The following SLC7A1 variants were observed in gnomAD, a reference collection of about 807,000 sequenced individuals.
The protein encoded by SLC7A1 is solute carrier family 7 member 1, also known as high affinity cationic amino acid transporter 1.
In SLC7A1, 10 loss-of-function variants were observed where a neutral mutation model predicts 53.9. That is an observed-to-expected ratio of 0.19 (90% confidence interval 0.11 to 0.31). The LOEUF is 0.31. SLC7A1 is among the 10% of genes least tolerant of loss of function. The pLI is 1.00. For missense variants in SLC7A1, 525 were observed against 827.2 expected, an observed-to-expected ratio of 0.63 and a Z score of 4.48; for synonymous variants, 342 against 338.7, an observed-to-expected ratio of 1.01 and a Z score of -0.11.
At chr13:29,557,349 T>G (rs1870482974) in intron 1 of SLC7A1, among the ~76,000 whole-genome samples, 1 of 152,136 alleles carries the variant, frequency 6.6e-6, no homozygotes. Context: ...AATGCACCTT[T>G]AGGCGATTTC....
At chr13:29,577,286 C>CT (rs148893515) in intron 1 of SLC7A1, among the ~76,000 whole-genome samples, 4,813 of 152,234 alleles carry the variant, frequency 0.032, 207 homozygotes, top group African/African-American at 0.088. Flanking sequence ...GCATCCAGCT[C>CT]TGACTCTGAA....
At chr13:29,541,482 A>T (rs910419683) in intron 2 of SLC7A1, among the ~76,000 whole-genome samples, 2 of 152,194 alleles carry the variant, frequency 1.3e-5, no homozygotes, top group Non-Finnish European at 2.9e-5. Flanking sequence ...GGTAGACCAC[A>T]GTCTTTCTCC....
chr13:29,550,016 T>C (rs1167452769), intron 2 of SLC7A1, among the ~76,000 whole-genome samples: 1 of 152,308 alleles, frequency 6.6e-6, no homozygotes, highest in Non-Finnish European at 1.5e-5. Flanking sequence ...CATTTTAACA[T>C]ATGCCCCAAA....
At chr13:29,533,160 GT>G (rs1230288491) in intron 3 of SLC7A1, among the ~76,000 whole-genome samples, 178 bp from the exon 4 acceptor site, 15 of 152,342 alleles carry the variant, frequency 9.8e-5, no homozygotes, top group African/African-American at 3.6e-4. Flanking sequence ...CTAGTGCTAA[GT>G]GCGAGAAGGC....
Position 29,536,014 on chromosome 13 carries a change from G to A in SLC7A1, c.175C>T (p.Arg59Cys). The A allele has an allele frequency of 1.2e-6, 2 of 1,613,926 alleles. No individual in the cohort carries two copies. The highest frequency in any genetic ancestry group is 1.7e-6 in the Non-Finnish European group (2 of 1,180,020). Residue 59 changes from arginine (R) to cysteine (C), a missense_variant, in exon 3 of 13, where the codon CGT becomes TGT. Physicochemically the swap from Arg to Cys is radical, Grantham distance 180. Around this residue, in one of 4 missense-constraint regions of SLC7A1, gnomAD observed 354 missense variants for 587.5 expected, o/e 0.60. Coordinates refer to ENST00000380752, the MANE Select transcript of SLC7A1 (RefSeq NM_003045.5). ...GVYVLAGAVA[R>C]ENAGPAIVIS... ...ACAATGGCAGGGCCTGCATTCTCACGGGCCACAGCTCCAGCCAGGACGTAG... is the reference window on the plus strand; with the variant it reads ...ACAATGGCAGGGCCTGCATTCTCACAGGCCACAGCTCCAGCCAGGACGTAG...
At chr13:29,521,060 G>A (rs745897880) in intron 8 of SLC7A1, among the ~76,000 whole-genome samples, 3 of 152,156 alleles carry the variant, frequency 2.0e-5, no homozygotes, top group Non-Finnish European at 2.9e-5. Context: ...CAAATTCCAC[G>A]TAAAGCCTGA....
At chr13:29,556,408 C>G (rs954299333) in intron 1 of SLC7A1, among the ~76,000 whole-genome samples, 2 of 152,116 alleles carry the variant, frequency 1.3e-5, no homozygotes, top group Non-Finnish European at 2.9e-5. Context: ...CAGGGTCTCA[C>G]TCTGTCACTC....
chr13:29,589,214 A>G (rs1872004457), intron 1 of SLC7A1, among the ~76,000 whole-genome samples: 1 of 152,250 alleles, frequency 6.6e-6, no homozygotes, highest in African/African-American at 2.4e-5. Context: ...GCAGGATGAC[A>G]GCGGCCACTG....
chr13:29,564,992 A>C (rs149260943), intron 1 of SLC7A1, among the ~76,000 whole-genome samples: 1 of 152,350 alleles, frequency 6.6e-6, no homozygotes, highest in Non-Finnish European at 1.5e-5. Context: ...AATAAACTAC[A>C]CAAAGAGATA....
In SLC7A1 at chr13:29,594,765, C is replaced by G. The variant is rs555290359; in HGVS notation, c.-115+651G>C. Among the ~76,000 whole-genome samples the G allele has an allele frequency of 2.2e-4, 34 of 152,282 alleles. 1 individual carries two copies. Among genetic ancestry groups the G allele is most frequent in the Admixed American group, 1.9e-3 (29 of 15,304 alleles). On this transcript the variant is annotated intron_variant, in intron 1 of 12. Coordinates refer to ENST00000380752, the MANE Select transcript of SLC7A1 (RefSeq NM_003045.5). ...CTCAAAGCAATCTTGGGGACCCAGA[C>G]GAGAGGTGCAGGCGGCGCGTCCCGG...
chr13:29,540,294 G>A (rs1306734445), intron 2 of SLC7A1, among the ~76,000 whole-genome samples: 1 of 152,180 alleles, frequency 6.6e-6, no homozygotes, highest in African/African-American at 2.4e-5. Context: ...GGGTTTGATG[G>A]AAATCTTGCA....
chr13:29,555,585 A>G (rs1593564071), intron 1 of SLC7A1, among the ~76,000 whole-genome samples: 1 of 151,640 alleles, frequency 6.6e-6, no homozygotes, highest in South Asian at 2.1e-4. Flanking sequence ...CCAGGGACAC[A>G]GCATCCTGGT....
chr13:29,595,021 T>C (rs1490999201), intron 1 of SLC7A1, among the ~76,000 whole-genome samples: 1 of 151,506 alleles, frequency 6.6e-6, no homozygotes, highest in African/African-American at 2.4e-5. Flanking sequence ...TCCGTGTGCC[T>C]CCCAGTCTGG....
intron 12 of SLC7A1, 119 bp from the exon 13 acceptor site, chr13:29,514,702 C>T: frequency 1.5e-6 from 1 of 687,590 alleles, no homozygotes; most frequent in South Asian, 1.8e-5. Context: ...CCCTGCCTGG[C>T]ATGAGCCCGC....
At chr13:29,534,482 G>A (rs1869316073) in intron 3 of SLC7A1, among the ~76,000 whole-genome samples, 1 of 152,202 alleles carries the variant, frequency 6.6e-6, no homozygotes, top group Admixed American at 6.5e-5. Context: ...AGAAAACATT[G>A]TGAATTTTAT....
chr13:29,595,113 G>T (rs573796049), intron 1 of SLC7A1, among the ~76,000 whole-genome samples: 9 of 151,710 alleles, frequency 5.9e-5, no homozygotes, highest in African/African-American at 1.5e-4. Context: ...CGCGCGGAGC[G>T]GGCATCGCCA....
intron 5 of SLC7A1, among the ~76,000 whole-genome samples, chr13:29,527,911 A>G (rs997100135): frequency 1.3e-5 from 2 of 152,264 alleles, no homozygotes; most frequent in African/African-American, 4.8e-5. Context: ...GAGCCTTAAG[A>G]ATCAGGACTG....
intron 4 of SLC7A1, among the ~76,000 whole-genome samples, chr13:29,531,410 T>C (rs1869156822): frequency 6.6e-6 from 1 of 152,144 alleles, no homozygotes; most frequent in Admixed American, 6.5e-5. Context: ...CACCTTAGGG[T>C]GAAGAGGTCA....
At chr13:29,567,653 T>A (rs1434327564) in intron 1 of SLC7A1, among the ~76,000 whole-genome samples, 1 of 152,160 alleles carries the variant, frequency 6.6e-6, no homozygotes, top group Non-Finnish European at 1.5e-5. Flanking sequence ...TACAACTCCC[T>A]GCAGGCGGGC....
Sources: gnomAD v4.1 joint callset for allele counts (sites outside exome capture counted in the v4.1 genomes callset) on GRCh38, gnomAD v4.1.1 for gene constraint, gnomAD v4.1.1 regional missense constraint, MANE v1.5 for transcripts, NCBI Gene and HGNC (gene_info 2026-07-23, HGNC 2026-07-21) for gene names.